The following PCDH9 variants were observed in gnomAD, a reference collection of about 807,000 sequenced individuals.
PCDH9 encodes the protein protocadherin-9.
Under a neutral mutation model 70.6 loss-of-function variants are expected in PCDH9, and 24 were observed. That is an observed-to-expected ratio of 0.34 (90% CI 0.25 to 0.48). The LOEUF (loss-of-function observed/expected upper bound fraction) is 0.48, where lower values mean the gene tolerates loss of function less well. PCDH9 is among the 20% of genes least tolerant of loss of function. The pLI is 0.99. For missense variants in PCDH9, 1,281 were observed against 1,503.6 expected, an observed-to-expected ratio of 0.85 and a Z score of 2.45; for synonymous variants, 562 against 558.5, an observed-to-expected ratio of 1.01 and a Z score of -0.09.
intron 3 of PCDH9, among the ~76,000 whole-genome samples, chr13:66,869,821 T>C (rs568777475): frequency 6.6e-6 from 1 of 152,238 alleles, no homozygotes; most frequent in East Asian, 1.9e-4. Flanking sequence ...TCACTACTAT[T>C]TCCTTAGTAG....
intron 4 of PCDH9, among the ~76,000 whole-genome samples, chr13:66,306,975 T>C (rs1400898262): frequency 6.6e-6 from 1 of 152,080 alleles, no homozygotes; most frequent in Non-Finnish European, 1.5e-5. Context: ...ATCACAGGCT[T>C]AGAAGATGCT....
rs116152056 is a variant in PCDH9 at position 66,576,284 on chromosome 13, G to A, written c.3340+54926C>T. Among the ~76,000 whole-genome samples, 485 of 152,062 alleles carry A rather than the reference G, an allele frequency of 3.2e-3. 2 individuals are homozygous for A. The highest frequency in any genetic ancestry group is 0.011 in the African/African-American group (469 of 41,528). On this transcript the variant is annotated intron_variant, in intron 4 of 4. Coordinates refer to ENST00000377865, the MANE Select transcript of PCDH9 (RefSeq NM_203487.3). ...TTATAAATGAAGATTGTAGCTCTGTGATCAGGTGTTCCAGTTTCTTTATAC... is the reference window on the plus strand; with the variant it reads ...TTATAAATGAAGATTGTAGCTCTGTAATCAGGTGTTCCAGTTTCTTTATAC...
chr13:66,618,225 G>A (rs1024378176), intron 4 of PCDH9, among the ~76,000 whole-genome samples: 1 of 152,112 alleles, frequency 6.6e-6, no homozygotes, highest in East Asian at 1.9e-4. Context: ...GTGGCGGTGG[G>A]ACAAAGAACC....
intron 3 of PCDH9, among the ~76,000 whole-genome samples, chr13:66,750,026 C>T (rs544088500): frequency 6.6e-6 from 1 of 152,020 alleles, no homozygotes; most frequent in Non-Finnish European, 1.5e-5. Flanking sequence ...CATGAATAAG[C>T]ACAAAAACTG....
At chr13:66,822,083 T>G (rs2139382697) in intron 3 of PCDH9, among the ~76,000 whole-genome samples, 1 of 152,018 alleles carries the variant, frequency 6.6e-6, no homozygotes, top group Non-Finnish European at 1.5e-5. Context: ...TCCCTTGACT[T>G]TCCATTCTTC....
intron 2 of PCDH9, among the ~76,000 whole-genome samples, chr13:67,065,724 TA>T (rs2085634015): frequency 1.3e-5 from 2 of 152,178 alleles, no homozygotes. Context: ...TTACGGTTAG[TA>T]GGGGCAGAGC....
chr13:66,394,204 T>C (rs548592858), intron 4 of PCDH9, among the ~76,000 whole-genome samples: 5 of 152,296 alleles, frequency 3.3e-5, no homozygotes, highest in South Asian at 2.1e-4. Flanking sequence ...ACCTAAATGA[T>C]AAATTCTAAA....
At chr13:66,322,600 T>C (rs984057412) in intron 4 of PCDH9, among the ~76,000 whole-genome samples, 5 of 152,084 alleles carry the variant, frequency 3.3e-5, no homozygotes, top group Non-Finnish European at 2.9e-5. Flanking sequence ...CCTCTGTTTA[T>C]TTAACAGCAT....
At chr13:66,851,604 CA>C (rs1179622206) in intron 3 of PCDH9, among the ~76,000 whole-genome samples, 9 of 151,272 alleles carry the variant, frequency 5.9e-5, no homozygotes, top group Non-Finnish European at 1.0e-4. Flanking sequence ...CACACACACA[CA>C]CACTCATTTT....
chr13:67,011,305 C>T (rs909137386), intron 2 of PCDH9, among the ~76,000 whole-genome samples: 1 of 151,802 alleles, frequency 6.6e-6, no homozygotes, highest in Non-Finnish European at 1.5e-5. Context: ...TCTAACAGAA[C>T]AAAAACATTA....
intron 2 of PCDH9, among the ~76,000 whole-genome samples, chr13:66,979,474 G>A (rs1044968381): frequency 1.8e-4 from 27 of 152,034 alleles, no homozygotes; most frequent in African/African-American, 6.3e-4. Context: ...ATGACTATCT[G>A]TGATCTAGAG....
At chr13:66,840,285 A>T (rs1277411576) in intron 3 of PCDH9, among the ~76,000 whole-genome samples, 1 of 152,238 alleles carries the variant, frequency 6.6e-6, no homozygotes, top group Non-Finnish European at 1.5e-5. Flanking sequence ...CAAAGCAAAA[A>T]CTGGCTCTTG....
rs189043562 is a variant in PCDH9, at chr13:66,306,611, C to T, written c.3341-1583G>A. On this transcript the variant is annotated intron_variant, in intron 4 of 4. Transcript: ENST00000377865. ...GCTGAAATGCACTATTTCATATAAA[C>T]TCAAAGTTTAGCGATTTTTTTTATA... Among the ~76,000 whole-genome samples, 3 of 151,388 alleles carry T rather than the reference C, an allele frequency of 2.0e-5. No individual in the cohort carries two copies. The Admixed American group carries it at 2.0e-4, about 10-fold the overall frequency.
chr13:66,846,126 A>T (rs76923180), intron 3 of PCDH9, among the ~76,000 whole-genome samples: 4 of 90,896 alleles, frequency 4.4e-5, no homozygotes, highest in Non-Finnish European at 9.9e-5. Flanking sequence ...ATGCAGGGGG[A>T]AAAAAAGACC....
intron 4 of PCDH9, among the ~76,000 whole-genome samples, chr13:66,345,534 G>A (rs928576682): frequency 1.3e-5 from 2 of 152,052 alleles, no homozygotes; most frequent in Non-Finnish European, 2.9e-5. Context: ...CATTCAAAAG[G>A]GCCAGGCAAC....
intron 4 of PCDH9, among the ~76,000 whole-genome samples, chr13:66,378,270 C>T (rs1443924657): frequency 6.6e-6 from 1 of 152,166 alleles, no homozygotes; most frequent in East Asian, 1.9e-4. Flanking sequence ...TTTATACCAG[C>T]TTGCCCAAGC....
chr13:66,951,785 A>C (rs1009628767), intron 2 of PCDH9, among the ~76,000 whole-genome samples: 7 of 152,188 alleles, frequency 4.6e-5, no homozygotes, highest in African/African-American at 1.7e-4. Context: ...TGGAGGTTAC[A>C]TGTTCCTTTC....
intron 2 of PCDH9, among the ~76,000 whole-genome samples, chr13:67,006,175 G>C (rs138110379): frequency 0.16 from 24,015 of 152,038 alleles, 2,022 homozygotes; most frequent in Middle Eastern, 0.24. Flanking sequence ...TGCAGTGAGC[G>C]GAGATCGTGC....
chr13:66,931,668 A>C (rs549525576), intron 2 of PCDH9, among the ~76,000 whole-genome samples: 22 of 152,174 alleles, frequency 1.4e-4, no homozygotes, highest in Non-Finnish European at 3.1e-4. Flanking sequence ...AGCAGCAAGC[A>C]CATGACTTTT....
Sources: allele counts gnomAD v4.1 joint callset (sites outside exome capture counted in the v4.1 genomes callset), GRCh38; gene constraint gnomAD v4.1.1; transcripts MANE v1.5; gene names NCBI Gene and HGNC (gene_info 2026-07-23, HGNC 2026-07-21).